GLYR1: variants seen among roughly 807,000 people sequenced by gnomAD.
GLYR1 encodes the protein cytokine-like nuclear factor N-PAC.
Under a neutral mutation model 72.7 loss-of-function variants are expected in GLYR1, and 21 were observed. That is an observed-to-expected ratio of 0.29 (90% CI 0.20 to 0.42). GLYR1 has a LOEUF of 0.42. GLYR1 is among the 10% of genes least tolerant of loss of function. GLYR1 has a pLI of 1.00. For missense variants in GLYR1, 594 were observed against 712.1 expected (o/e 0.83, Z 1.89); for synonymous variants, 392 against 270.2 (o/e 1.45, Z -4.42).
intron 9 of GLYR1, 50 bp from the exon 10 acceptor site, chr16:4,817,747 G>A (rs768834096): frequency 4.4e-6 from 5 of 1,128,778 alleles, no homozygotes; most frequent in Non-Finnish European, 6.8e-6. Flanking sequence ...GAGGGTCACG[G>A]TGATGATGAT....
chr16:4,835,676 T>C (rs916878547), intron 3 of GLYR1, among the ~76,000 whole-genome samples: 2 of 152,062 alleles, frequency 1.3e-5, no homozygotes, highest in African/African-American at 2.4e-5. Flanking sequence ...ACTGAAAATA[T>C]AAAAATTAGC....
At chr16:4,846,364 TA>T (rs1440022945) in intron 1 of GLYR1, among the ~76,000 whole-genome samples, 154 bp from the exon 2 acceptor site, 2 of 152,188 alleles carry the variant, frequency 1.3e-5, no homozygotes, top group Non-Finnish European at 2.9e-5. Flanking sequence ...CCCTCAGAAG[TA>T]AAATGCAAAA....
intron 11 of GLYR1, 41 bp downstream of exon 11, chr16:4,814,496 C>T (rs376737618): frequency 4.1e-5 from 60 of 1,479,198 alleles, no homozygotes; most frequent in Non-Finnish European, 5.6e-5. Flanking sequence ...GCAATCCTGG[C>T]TGTGACCCGG....
intron 5 of GLYR1, among the ~76,000 whole-genome samples, chr16:4,825,651 ATCT>A (rs1276215196): frequency 2.3e-5 from 3 of 131,448 alleles, no homozygotes; most frequent in East Asian, 2.1e-4. Context: ...AATTATTATC[ATCT>A]TCTTTTTTTT....
chr16:4,824,016 C>G, intron 5 of GLYR1, 109 bp from the exon 6 acceptor site: 1 of 765,966 alleles, frequency 1.3e-6, no homozygotes, highest in Admixed American at 2.4e-5. Context: ...AACCACTGTT[C>G]TGATGACCGT....
chr16:4,812,653 T>C (rs1487316016), intron 12 of GLYR1, among the ~76,000 whole-genome samples: 5 of 150,788 alleles, frequency 3.3e-5, no homozygotes, highest in Admixed American at 6.6e-5. Context: ...CCACCACGCC[T>C]GGCTAATTTT....
At chr16:4,824,193 G>C (rs1231362038) in intron 5 of GLYR1, among the ~76,000 whole-genome samples, 1 of 152,182 alleles carries the variant, frequency 6.6e-6, no homozygotes, top group Non-Finnish European at 1.5e-5. Flanking sequence ...CAGAGTAAAT[G>C]CCTTATGGTG....
chr16:4,822,288 T>C (rs960276430), intron 7 of GLYR1, among the ~76,000 whole-genome samples: 2 of 151,878 alleles, frequency 1.3e-5, no homozygotes, highest in East Asian at 1.9e-4. Flanking sequence ...GGTTTCACCA[T>C]GTTGGCCAGG....
intron 3 of GLYR1, chr16:4,843,693 A>G (rs2085728571): frequency 8.2e-7 from 1 of 1,225,326 alleles, no homozygotes; most frequent in Admixed American, 2.4e-5. Flanking sequence ...TCTAAGTAGA[A>G]ATACTTTAAC....
chr16:4,820,944 AAT>A (rs776079261), intron 9 of GLYR1, among the ~76,000 whole-genome samples: 2 of 152,204 alleles, frequency 1.3e-5, no homozygotes, highest in Non-Finnish European at 2.9e-5. Context: ...CACCATGGCC[AAT>A]TTTGGGGCCT....
chr16:4,839,669 C>A (rs1031842974), intron 3 of GLYR1: 5 of 152,182 alleles, frequency 3.3e-5, no homozygotes, highest in Non-Finnish European at 7.3e-5. Flanking sequence ...TTAGGAAGGT[C>A]TGGCCCTCTC....
chr16:4,820,530 C>G (rs1394952915), intron 9 of GLYR1, among the ~76,000 whole-genome samples: 1 of 152,168 alleles, frequency 6.6e-6, no homozygotes, highest in Non-Finnish European at 1.5e-5. Flanking sequence ...ACACAATCCT[C>G]CTCCCCTTTG....
At chr16:4,821,318 C>T in intron 9 of GLYR1, 62 bp downstream of exon 9, 1 of 1,554,220 alleles carries the variant, frequency 6.4e-7, no homozygotes, top group Non-Finnish European at 8.9e-7. Context: ...CCCCTGGGGT[C>T]ACCTTCTCCC....
At chr16:4,836,596 A>C (rs1029987970) in intron 3 of GLYR1, among the ~76,000 whole-genome samples, 5 of 152,194 alleles carry the variant, frequency 3.3e-5, no homozygotes, top group Admixed American at 1.3e-4. Flanking sequence ...CTCGTAAGAT[A>C]TCTGGCTACG....
chr16:4,822,593 G>A (rs1331114191), intron 7 of GLYR1, among the ~76,000 whole-genome samples: 1 of 152,160 alleles, frequency 6.6e-6, no homozygotes, highest in Admixed American at 6.5e-5. Context: ...GTTTCACCAT[G>A]TTGGTCAGAC....
intron 3 of GLYR1, among the ~76,000 whole-genome samples, chr16:4,842,105 A>T (rs1012625563): frequency 6.6e-6 from 1 of 152,090 alleles, no homozygotes; most frequent in Non-Finnish European, 1.5e-5. Context: ...TTAGCTGGGC[A>T]TGGTGGTGTG....
intron 15 of GLYR1, among the ~76,000 whole-genome samples, chr16:4,808,114 C>A (rs527495148): frequency 4.0e-4 from 61 of 151,516 alleles, no homozygotes; most frequent in Admixed American, 8.6e-4. Flanking sequence ...TGCATGCCTG[C>A]GGTTCCAGCT....
intron 3 of GLYR1, among the ~76,000 whole-genome samples, chr16:4,842,169 G>C (rs1596412389): frequency 6.6e-6 from 1 of 151,946 alleles, no homozygotes; most frequent in Middle Eastern, 3.4e-3. Flanking sequence ...GCATGAACCC[G>C]GGAGGTGGAG....
chr16:4,819,837 ACCT>A, intron 9 of GLYR1, among the ~76,000 whole-genome samples: 1 of 151,864 alleles, frequency 6.6e-6, no homozygotes, highest in East Asian at 1.9e-4. Flanking sequence ...ACCAAAATAG[ACCT>A]CCTTGCTAAC....
Sources: allele counts gnomAD v4.1 joint callset (sites outside exome capture counted in the v4.1 genomes callset), GRCh38; gene constraint gnomAD v4.1.1; transcripts MANE v1.5; gene names NCBI Gene and HGNC (gene_info 2026-07-23, HGNC 2026-07-21).